HECW2: variants seen among roughly 807,000 people sequenced by gnomAD.
The protein encoded by HECW2 is E3 ubiquitin-protein ligase HECW2.
HECW2 carries 61 observed loss-of-function variants against 175.2 expected under a neutral mutation model. That is an observed-to-expected ratio of 0.35 (90% CI 0.28 to 0.43). The LOEUF is 0.43. Ranked by LOEUF, HECW2 falls within the 20% of genes least tolerant of loss-of-function variation. The pLI, the probability that HECW2 is intolerant of heterozygous loss-of-function variation, is 1.00. For synonymous variants in HECW2, 671 were observed against 731.0 expected (o/e 0.92, Z 1.32); for missense variants, 1,524 against 2,000.5 (o/e 0.76, Z 4.54).
chr2:196,233,826 A>G (rs1470389821), intron 21 of HECW2, among the ~76,000 whole-genome samples: 1 of 152,212 alleles, frequency 6.6e-6, no homozygotes, highest in African/African-American at 2.4e-5. Context: ...GACCAAGCTC[A>G]GGGCCTCAAA....
intron 17 of HECW2, among the ~76,000 whole-genome samples, chr2:196,266,202 C>T (rs1353711856): frequency 2.0e-5 from 3 of 148,270 alleles, no homozygotes; most frequent in Non-Finnish European, 3.0e-5. Flanking sequence ...AAACAATTAG[C>T]GGGGCAAGGT....
At chr2:196,372,922 T>C (rs1336832634) in intron 2 of HECW2, among the ~76,000 whole-genome samples, 2 of 152,166 alleles carry the variant, frequency 1.3e-5, no homozygotes. Flanking sequence ...GTGATTTAAC[T>C]CCCTAAACTT....
chr2:196,561,117 C>T (rs140927103), intron 1 of HECW2, among the ~76,000 whole-genome samples: 2 of 152,176 alleles, frequency 1.3e-5, no homozygotes, highest in South Asian at 2.1e-4. Flanking sequence ...AGAGAAATAT[C>T]GCTGAATTCT....
At chr2:196,368,644 G>T (rs1357312836) in intron 2 of HECW2, among the ~76,000 whole-genome samples, 3 of 152,004 alleles carry the variant, frequency 2.0e-5, no homozygotes, top group African/African-American at 7.2e-5. Context: ...TCTAGATCTT[G>T]TAGGCATGCT....
Position 196,274,137 on chromosome 2 carries a change from C to G in HECW2, c.3136-14G>C. On this transcript the variant is annotated splice_polypyrimidine_tract_variant and intron_variant, in intron 15 of 28. Transcript: ENST00000644978. The stretch of plus-strand genomic sequence containing the variant: ...ATCTTCTCCTACCTGCAAACAGAAG[C>G]ATCATTTATGTTCTGCACCAAGAGC... The G allele has an allele frequency of 6.3e-7, 1 of 1,592,492 alleles. No individual in the cohort carries two copies. The highest frequency in any genetic ancestry group is 8.6e-7 in the Non-Finnish European group (1 of 1,160,536).
chr2:196,592,800 G>A (rs1691252007), intron 1 of HECW2: 1 of 151,606 alleles, frequency 6.6e-6, no homozygotes, highest in South Asian at 2.1e-4. Context: ...GCCACAAGCT[G>A]CGGGTGGGGA....
chr2:196,347,702 C>T (rs1693008924), intron 2 of HECW2, among the ~76,000 whole-genome samples: 1 of 152,176 alleles, frequency 6.6e-6, no homozygotes, highest in Non-Finnish European at 1.5e-5. Flanking sequence ...AAAACAAGTT[C>T]AAATGCCATG....
chr2:196,235,716 C>T (rs1355151922), intron 21 of HECW2, among the ~76,000 whole-genome samples: 2 of 123,968 alleles, frequency 1.6e-5, no homozygotes, highest in Non-Finnish European at 3.2e-5. Context: ...AGTGCAGTGG[C>T]GTGATCTCGG....
chr2:196,309,774 A>G (rs1691414861), intron 10 of HECW2, among the ~76,000 whole-genome samples: 1 of 152,208 alleles, frequency 6.6e-6, no homozygotes, highest in Admixed American at 6.5e-5. Flanking sequence ...GGATAAAAAA[A>G]TAGAGACCAA....
chr2:196,583,669 G>A (rs910857240), intron 1 of HECW2, among the ~76,000 whole-genome samples: 5 of 152,174 alleles, frequency 3.3e-5, no homozygotes, highest in Non-Finnish European at 7.3e-5. Flanking sequence ...AGTCCAAAAT[G>A]TTAATCTTTT....
At chr2:196,498,069 G>A (rs569566104) in intron 1 of HECW2, among the ~76,000 whole-genome samples, 1 of 152,274 alleles carries the variant, frequency 6.6e-6, no homozygotes, top group African/African-American at 2.4e-5. Context: ...TGCCTTTTGA[G>A]AGTTGATTTT....
At chr2:196,376,588 G>A (rs887877463) in intron 2 of HECW2, among the ~76,000 whole-genome samples, 11 of 145,552 alleles carry the variant, frequency 7.6e-5, no homozygotes, top group Non-Finnish European at 1.0e-4. Flanking sequence ...CCAACATCAC[G>A]TCACACCACT....
At position 196,376,654 on chromosome 2, in the gene HECW2, C is replaced by T. The variant is rs983846666; in HGVS notation, c.293-32890G>A. 1.2e-4 allele frequency among the ~76,000 whole-genome samples: 15 copies of T among 130,256 alleles called. 1 individual carries two copies. The highest frequency in any genetic ancestry group is 3.3e-4 in the African/African-American group (11 of 33,232). The allele number at this position is 130,256 out of a possible 152,430, so 85.5% of individuals were successfully genotyped here. A position where few individuals can be genotyped will look rare whatever the true frequency, so the allele number is the denominator to read the frequency against. ...CTGTCATAAAAAAAAAAAAAAGGGC[C>T]GGGCATGGTGGCTCACGCCTGTAGT... On this transcript the variant is annotated intron_variant, in intron 2 of 28. Transcript: ENST00000644978.
chr2:196,360,401 T>C lies in HECW2; in HGVS notation c.293-16637A>G, dbSNP rs548231893. On this transcript the variant is annotated intron_variant, in intron 2 of 28. Coordinates refer to ENST00000644978, the MANE Select transcript of HECW2 (RefSeq NM_001348768.2). Reference sequence around the variant, plus strand: ...TGAGATCATGTATTTTGCAGGAGCATGGATGGAGCTGGAGGCCATTATTCT... The same window carrying C: ...TGAGATCATGTATTTTGCAGGAGCACGGATGGAGCTGGAGGCCATTATTCT... 3.3e-5 allele frequency among the ~76,000 whole-genome samples: 5 copies of C among 152,272 alleles called. 1 individual carries two copies. The highest frequency in any genetic ancestry group is 1.2e-4 in the African/African-American group (5 of 41,554).
intron 1 of HECW2, among the ~76,000 whole-genome samples, chr2:196,449,918 G>A (rs1198902100): frequency 6.6e-6 from 1 of 152,084 alleles, no homozygotes; most frequent in Non-Finnish European, 1.5e-5. Context: ...TGGGAAACAG[G>A]AATAAAGAAG....
intron 19 of HECW2, among the ~76,000 whole-genome samples, chr2:196,243,245 G>A (rs1415555177): frequency 2.1e-5 from 3 of 142,214 alleles, no homozygotes; most frequent in Middle Eastern, 4.5e-3. Flanking sequence ...TCAGCTCACC[G>A]CAACCTCCAT....
At chr2:196,540,483 G>C (rs1039091140) in intron 1 of HECW2, among the ~76,000 whole-genome samples, 4 of 151,936 alleles carry the variant, frequency 2.6e-5, no homozygotes, top group Admixed American at 6.6e-5. Flanking sequence ...CTGTCACCTA[G>C]GTTGGAGTGC....
At chr2:196,304,922 C>A (rs1258454756) in intron 13 of HECW2, among the ~76,000 whole-genome samples, 1 of 152,174 alleles carries the variant, frequency 6.6e-6, no homozygotes, top group African/African-American at 2.4e-5. Context: ...TGCAGCTTCA[C>A]GAATCGATTG....
At chr2:196,470,256 T>C (rs192952310) in intron 1 of HECW2, among the ~76,000 whole-genome samples, 1 of 151,922 alleles carries the variant, frequency 6.6e-6, no homozygotes, top group East Asian at 1.9e-4. Flanking sequence ...TTCTGACCAC[T>C]ATACTCCAAC....
Sources: allele counts gnomAD v4.1 joint callset (sites outside exome capture counted in the v4.1 genomes callset), GRCh38; gene constraint gnomAD v4.1.1; transcripts MANE v1.5; gene names NCBI Gene and HGNC (gene_info 2026-07-23, HGNC 2026-07-21).